Variants in MAGI1 observed in about 807,000 individuals in gnomAD.
MAGI1 encodes the protein membrane-associated guanylate kinase, WW and PDZ domain-containing protein 1.
In MAGI1, 58 loss-of-function variants were observed where a neutral mutation model predicts 139.9. That is an observed-to-expected ratio of 0.41 (90% CI 0.34 to 0.52). MAGI1 has a LOEUF of 0.52. MAGI1 is among the 20% of genes least tolerant of loss of function. The pLI, the probability that MAGI1 is intolerant of heterozygous loss-of-function variation, is 0.12. For synonymous variants in MAGI1, 812 were observed against 737.9 expected (o/e 1.10, Z -1.63); for missense variants, 1,874 against 1,901.6 (o/e 0.99, Z 0.27).
chr3:65,982,405 T>C (rs2065631903), intron 1 of MAGI1, among the ~76,000 whole-genome samples: 1 of 152,214 alleles, frequency 6.6e-6, no homozygotes, highest in Non-Finnish European at 1.5e-5. Flanking sequence ...CTCTTGACCT[T>C]TCTCCTTCTC....
At chr3:65,825,758 G>C (rs985727230) in intron 1 of MAGI1, among the ~76,000 whole-genome samples, 20 of 152,194 alleles carry the variant, frequency 1.3e-4, no homozygotes, top group Non-Finnish European at 2.8e-4. Context: ...GGGAGGCCAA[G>C]GCAGGCAGAT....
chr3:65,532,010 ACT>A (rs1012938936), intron 2 of MAGI1, among the ~76,000 whole-genome samples: 20 of 151,978 alleles, frequency 1.3e-4, no homozygotes, highest in African/African-American at 4.8e-4. Context: ...GCTGCCAACA[ACT>A]CTAGTATAAC....
At chr3:65,524,827 T>C (rs545113591) in intron 2 of MAGI1, among the ~76,000 whole-genome samples, 16 of 152,108 alleles carry the variant, frequency 1.1e-4, no homozygotes, top group Non-Finnish European at 2.2e-4. Flanking sequence ...TCTCTGGAGG[T>C]TGGATCTCAT....
intron 1 of MAGI1, among the ~76,000 whole-genome samples, chr3:65,748,499 G>C (rs1381141378): frequency 6.6e-6 from 1 of 152,156 alleles, no homozygotes; most frequent in African/African-American, 2.4e-5. Context: ...TAGAAGGAAA[G>C]TTATGTATCT....
intron 1 of MAGI1, among the ~76,000 whole-genome samples, chr3:65,684,018 AAT>A (rs1491007499): frequency 6.6e-6 from 1 of 150,738 alleles, no homozygotes. Flanking sequence ...AAAAAAAAAA[AAT>A]TTAATTATCC....
intron 14 of MAGI1, among the ~76,000 whole-genome samples, chr3:65,390,347 A>G (rs1290262780): frequency 6.6e-6 from 1 of 152,302 alleles, no homozygotes; most frequent in African/African-American, 2.4e-5. Context: ...TCTGTCCTTC[A>G]TAGCTGCCTC....
chr3:65,786,978 T>C lies in MAGI1; in HGVS notation c.314-164890A>G, dbSNP rs566918322. ...TTGTGTTACCTTTTGTATTCCTACT[T>C]AATGTTTTTCCATCAATGCACCTCT... On this transcript the variant is annotated intron_variant, in intron 1 of 22. Coordinates refer to ENST00000402939, the MANE Select transcript of MAGI1 (RefSeq NM_001033057.2). 2.6e-5 allele frequency among the ~76,000 whole-genome samples: 4 copies of C among 152,306 alleles called. No homozygotes were observed. The South Asian group carries it at 8.3e-4, about 32-fold the overall frequency.
At chr3:65,623,795 T>C (rs1176159840) in intron 1 of MAGI1, among the ~76,000 whole-genome samples, 1 of 152,162 alleles carries the variant, frequency 6.6e-6, no homozygotes, top group Non-Finnish European at 1.5e-5. Context: ...AAATAGATAA[T>C]AAAACCCAAT....
intron 12 of MAGI1, among the ~76,000 whole-genome samples, chr3:65,413,894 T>G (rs1258777430): frequency 1.3e-5 from 2 of 152,128 alleles, no homozygotes; most frequent in Non-Finnish European, 2.9e-5. Context: ...TAATGAAATA[T>G]TTTAGTTGGG....
intron 1 of MAGI1, among the ~76,000 whole-genome samples, chr3:65,898,828 A>G (rs184651251): frequency 6.6e-6 from 1 of 152,342 alleles, no homozygotes; most frequent in Non-Finnish European, 1.5e-5. Context: ...ACTATACATT[A>G]TATGTTTTCA....
At chr3:65,593,189 G>T (rs1479452013) in intron 2 of MAGI1, among the ~76,000 whole-genome samples, 1 of 152,148 alleles carries the variant, frequency 6.6e-6, no homozygotes, top group Non-Finnish European at 1.5e-5. Flanking sequence ...TCCCTTTCAG[G>T]TCACTATCTA....
intron 1 of MAGI1, among the ~76,000 whole-genome samples, chr3:65,786,824 C>T (rs1190312314): frequency 6.6e-6 from 1 of 151,952 alleles, no homozygotes; most frequent in Non-Finnish European, 1.5e-5. Flanking sequence ...ACCGTGTTAG[C>T]CAGGATGTTC....
intron 2 of MAGI1, among the ~76,000 whole-genome samples, chr3:65,529,442 T>C (rs1371483335): frequency 1.3e-5 from 2 of 152,236 alleles, no homozygotes; most frequent in African/African-American, 4.8e-5. Context: ...AATGGAATGA[T>C]ACAATATGTA....
intron 1 of MAGI1, among the ~76,000 whole-genome samples, chr3:65,743,703 C>G (rs2035462483): frequency 6.6e-6 from 1 of 150,598 alleles, no homozygotes; most frequent in Non-Finnish European, 1.5e-5. Context: ...GAGCAAGACT[C>G]CATCTCAAAA....
At chr3:65,820,314 T>C (rs937387298) in intron 1 of MAGI1, among the ~76,000 whole-genome samples, 3 of 152,172 alleles carry the variant, frequency 2.0e-5, no homozygotes, top group Non-Finnish European at 2.9e-5. Flanking sequence ...TTTTAGAAGC[T>C]TGTTCATTCA....
At chr3:65,524,180 A>G (rs893584857) in intron 2 of MAGI1, among the ~76,000 whole-genome samples, 3 of 152,206 alleles carry the variant, frequency 2.0e-5, no homozygotes, top group African/African-American at 7.2e-5. Flanking sequence ...CGAACATTTT[A>G]CTATGTACTC....
chr3:65,397,656 C>T (rs1216603952), intron 13 of MAGI1, among the ~76,000 whole-genome samples: 1 of 151,988 alleles, frequency 6.6e-6, no homozygotes, highest in Non-Finnish European at 1.5e-5. Flanking sequence ...TGCTGGGGAA[C>T]TCCAAAGTAC....
At chr3:65,752,089 G>A (rs574036904) in intron 1 of MAGI1, among the ~76,000 whole-genome samples, 5 of 152,070 alleles carry the variant, frequency 3.3e-5, no homozygotes, top group African/African-American at 9.7e-5. Context: ...GACTACAGGC[G>A]CAACTCACAA....
At chr3:65,686,448 A>C (rs2088037619) in intron 1 of MAGI1, among the ~76,000 whole-genome samples, 1 of 151,936 alleles carries the variant, frequency 6.6e-6, no homozygotes, top group Admixed American at 6.6e-5. Context: ...CACACCACCA[A>C]GCCCAGCTAA....
Sources: gnomAD v4.1 joint callset for allele counts (sites outside exome capture counted in the v4.1 genomes callset) on GRCh38, gnomAD v4.1.1 for gene constraint, MANE v1.5 for transcripts, NCBI Gene and HGNC (gene_info 2026-07-23, HGNC 2026-07-21) for gene names.